NEB: variants seen among roughly 807,000 people sequenced by gnomAD.
NEB encodes nebulin.
Under a neutral mutation model 952.2 loss-of-function variants are expected in NEB, and 512 were observed. The ratio of observed to expected loss-of-function variants is 0.54; its 90% CI spans 0.50 to 0.58. The LOEUF is 0.58. NEB is among the 20% of genes least tolerant of loss of function. The probability of loss-of-function intolerance (pLI) is 0.00; values close to 1 mark genes in which losing one functional copy is unlikely to be tolerated. For synonymous variants in NEB, 2,900 were observed against 3,149.8 expected (o/e 0.92, Z 2.66); for missense variants, 8,428 against 9,231.1 (o/e 0.91, Z 3.56).
chr2:151,496,495 C>A (rs901198129), intron 172 of NEB, 127 bp from the exon 173 acceptor site: 3 of 1,450,736 alleles, frequency 2.1e-6, no homozygotes, highest in Non-Finnish European at 2.8e-6. Context: ...AAGTTATATG[C>A]TGACAAAATG....
intron 153 of NEB, 38 bp downstream of exon 153, chr2:151,524,270 TCTC>T (rs765634677): frequency 1.6e-5 from 24 of 1,518,634 alleles, no homozygotes; most frequent in African/African-American, 9.6e-5. Context: ...TCTTTTATAA[TCTC>T]CTCACATGAG....
rs1222835299 is a variant in NEB at position 151,569,260 on chromosome 2, T to C, written c.17535+8A>G. On this transcript the variant is annotated splice_region_variant and intron_variant, in intron 110 of 181. Transcript: ENST00000397345. The stretch of plus-strand genomic sequence containing the variant: ...TGTACTGAATGTCAGGGTAAAATCT[T>C]GGAATACCTCACTGAAGATGTCCGC... The C allele has an allele frequency of 1.9e-6, 3 of 1,612,154 alleles. No individual in the cohort carries two copies. Among genetic ancestry groups the C allele is most frequent in the Non-Finnish European group, 2.5e-6 (3 of 1,178,274 alleles).
chr2:151,554,920 A>G lies in NEB; in HGVS notation c.19428+11T>C. 1 of 1,577,648 alleles carries G rather than the reference A, an allele frequency of 6.3e-7. No homozygotes were observed. Among genetic ancestry groups the G allele is most frequent in the Non-Finnish European group, 8.7e-7 (1 of 1,146,864 alleles). Reference sequence around the variant, plus strand: ...TATCCTAGTCATTAAGGGGCGCATGACCGTACTTACATCGATGTTAAGCTT... The same window carrying G: ...TATCCTAGTCATTAAGGGGCGCATGGCCGTACTTACATCGATGTTAAGCTT... On this transcript the variant is annotated intron_variant, in intron 125 of 181. Transcript: ENST00000397345.
At chr2:151,695,547 C>G in intron 18 of NEB, 31 bp downstream of exon 18, 1 of 1,506,232 alleles carries the variant, frequency 6.6e-7, no homozygotes, top group Non-Finnish European at 9.2e-7. Flanking sequence ...GTTGTCAGTA[C>G]ATCACATGGT....
intron 28 of NEB, 140 bp downstream of exon 28, chr2:151,684,638 T>C (rs1055714392): frequency 8.3e-6 from 6 of 719,594 alleles, no homozygotes; most frequent in East Asian, 2.9e-5. Flanking sequence ...CATGCTCTTA[T>C]AGAACCACAA....
intron 107 of NEB, among the ~76,000 whole-genome samples, chr2:151,571,247 C>T (rs992341719): frequency 6.6e-6 from 1 of 152,200 alleles, no homozygotes; most frequent in African/African-American, 2.4e-5. Flanking sequence ...CTCAGGTGAT[C>T]CACCTGCCTC....
chr2:151,692,090 T>A lies in NEB; in HGVS notation c.2075A>T (p.His692Leu), dbSNP rs763917533. Residue 692 changes from histidine to leucine, a missense_variant, in exon 22 of 182, where the codon CAC becomes CTC. By Grantham distance (99) the His-to-Leu change is moderately conservative. This residue lies in a region of NEB where 2,851 missense variants were observed against 2,791.5 expected (regional missense o/e 1.02). Transcript: ENST00000397345. ...VGSMEDPYHT[H>L]CMKVAAQNSD... ...GTTTTGAGCTGCAACTTTCATGCAG[T>A]GTGTGTGATATGGGTCCTCCATGCT... is the stretch of plus-strand genomic sequence containing the variant. 1 of 1,613,948 alleles carries A rather than the reference T, an allele frequency of 6.2e-7. No homozygotes were observed. The highest frequency in any genetic ancestry group is 8.5e-7 in the Non-Finnish European group (1 of 1,179,824).
Position 151,665,440 on chromosome 2 carries a change from G to T in NEB, c.5131C>A (p.Leu1711Ile), listed in dbSNP as rs1436894249. The change falls in exon 42 of 182, where the codon CTT becomes ATT. Residue 1711 changes from leucine (L) to isoleucine (I), a missense_variant. Leu to Ile is a conservative substitution (Grantham distance 5, BLOSUM62 2). Coordinates refer to ENST00000397345, the MANE Select transcript of NEB (RefSeq NM_001164508.2). ...VEKAKKAGEI[L>I]SEKKYRQHPE... The stretch of plus-strand genomic sequence containing the variant: ...TGCTGGCGATACTTCTTCTCACTAA[G>T]AATCTCTCCTGCTTTCTTTGCCTTC... 1 of 1,613,678 alleles carries T rather than the reference G, an allele frequency of 6.2e-7. No individual in the cohort carries two copies. Among genetic ancestry groups the T allele is most frequent in the Admixed American group, 1.7e-5 (1 of 59,966 alleles).
intron 162 of NEB, among the ~76,000 whole-genome samples, chr2:151,507,370 A>C (rs1189282067): frequency 1.3e-5 from 2 of 152,226 alleles, no homozygotes; most frequent in African/African-American, 4.8e-5. Context: ...GCACCTTGGC[A>C]TTTGAAAAAA....
chr2:151,498,224 T>TTAAG lies in NEB; in HGVS notation c.24207+32_24207+35dup, dbSNP rs2061668335. On this transcript the variant is annotated intron_variant, in intron 170 of 181. Coordinates refer to ENST00000397345, the MANE Select transcript of NEB (RefSeq NM_001164508.2). ...TGTAAAGATCAGTTTAATTCTGAAG[T>TTAAG]TAAGTGGCATTTTTTCCCCTTTCTT... is the stretch of plus-strand genomic sequence containing the variant. 6 of 1,550,114 alleles carry TTAAG rather than the reference T, an allele frequency of 3.9e-6. No individual in the cohort carries two copies. The Admixed American group carries it at 9.8e-5, about 25-fold the overall frequency.
chr2:151,492,037 C>T, intron 178 of NEB, 61 bp downstream of exon 178: 5 of 1,530,636 alleles, frequency 3.3e-6, no homozygotes, highest in Non-Finnish European at 4.5e-6. Context: ...GGTAATGCTA[C>T]TTTTGTTCTT....
chr2:151,711,089 C>T (rs1033622439), intron 10 of NEB, among the ~76,000 whole-genome samples: 5 of 152,196 alleles, frequency 3.3e-5, no homozygotes, highest in African/African-American at 1.2e-4. Flanking sequence ...CCCACTCCAT[C>T]TGAATCCCAG....
intron 181 of NEB, among the ~76,000 whole-genome samples, chr2:151,486,930 GT>G (rs1219986220): frequency 1.3e-5 from 2 of 151,994 alleles, no homozygotes; most frequent in African/African-American, 4.8e-5. Context: ...TTTGAATACA[GT>G]TTTTTTTATG....
intron 62 of NEB, 87 bp from the exon 63 acceptor site, chr2:151,639,471 A>C (rs1469017940): frequency 8.0e-6 from 8 of 999,894 alleles, no homozygotes; most frequent in Non-Finnish European, 1.1e-5. Context: ...CTTTATAAAA[A>C]AAAAGAAAAG....
chr2:151,679,661 A>AGCCCCCCCCCCCCCCCCC, intron 32 of NEB, 60 bp downstream of exon 32: 2 of 492,382 alleles, frequency 4.1e-6, no homozygotes, highest in Non-Finnish European at 8.2e-6. Flanking sequence ...TCATCGTCAG[A>AGCCCCCCCCCCCCCCCCC]CCCCAAGCCC....
chr2:151,653,170 T>C (rs2099049762), intron 52 of NEB, among the ~76,000 whole-genome samples: 1 of 152,226 alleles, frequency 6.6e-6, no homozygotes, highest in South Asian at 2.1e-4. Flanking sequence ...CTTTCAAAGA[T>C]TTTGATTAAG....
In NEB at chr2:151,531,111, CA is replaced by C; in HGVS notation, c.21523-11del. On this transcript the variant is annotated splice_polypyrimidine_tract_variant and intron_variant, in intron 144 of 181. Transcript: ENST00000397345. ...CCAATTTATAAAGGATCTGAAAGAT[CA>C]AAAAGCAGAAAGACATCATGTCATG... 1 of 1,556,972 alleles carries C rather than the reference CA, an allele frequency of 6.4e-7. No individual in the cohort carries two copies. Among genetic ancestry groups the C allele is most frequent in the African/African-American group, 1.4e-5 (1 of 73,986 alleles).
At chr2:151,609,762 A>T in intron 81 of NEB, 47 bp downstream of exon 81, 1 of 1,526,576 alleles carries the variant, frequency 6.6e-7, no homozygotes. Context: ...GCAATGAACA[A>T]ATCTACATCT....
chr2:151,695,121 G>A lies in NEB; in HGVS notation c.1674+457C>T, dbSNP rs148508525. 3.2e-3 allele frequency among the ~76,000 whole-genome samples: 494 copies of A among 152,188 alleles called. 1 individual carries two copies. The highest frequency in any genetic ancestry group is 0.011 in the African/African-American group (438 of 41,526). On this transcript the variant is annotated intron_variant, in intron 18 of 181. Transcript: ENST00000397345. ...TATAAAATTAAGTTTGAAAAATGAA[G>A]GATAGAAATGGGTATCTGGACTTCT... is the stretch of plus-strand genomic sequence containing the variant.
Sources: allele counts gnomAD v4.1 joint callset (sites outside exome capture counted in the v4.1 genomes callset), GRCh38; gene constraint gnomAD v4.1.1; regional missense constraint gnomAD v4.1.1; transcripts MANE v1.5; gene names NCBI Gene and HGNC (gene_info 2026-07-23, HGNC 2026-07-21).